TRIM3: variants seen among roughly 807,000 people sequenced by gnomAD.
TRIM3 encodes the protein tripartite motif-containing protein 3.
A neutral mutation model predicts 66.6 loss-of-function variants in TRIM3; 13 were observed. The observed-to-expected ratio is 0.20, with a 90% CI of 0.13 to 0.31. The LOEUF (loss-of-function observed/expected upper bound fraction) is 0.31. Among genes scored for constraint, TRIM3 ranks in the 10% least tolerant of loss-of-function variants. TRIM3 has a pLI of 1.00. For synonymous variants in TRIM3, 406 were observed against 411.7 expected (o/e 0.99, Z 0.17); for missense variants, 711 against 1,020.4 (o/e 0.70, Z 4.13).
At chr11:6,460,044 G>C (rs1850155891) in intron 2 of TRIM3, among the ~76,000 whole-genome samples, 1 of 152,198 alleles carries the variant, frequency 6.6e-6, no homozygotes, top group African/African-American at 2.4e-5. Context: ...ATAAGAGAGA[G>C]GGACAGAGCA....
chr11:6,452,765 G>A (rs182145604), intron 7 of TRIM3: 2 of 152,314 alleles, frequency 1.3e-5, no homozygotes, highest in East Asian at 3.9e-4. Flanking sequence ...GTTTAGCGGT[G>A]AGGTAATGCC....
At position 6,457,386 on chromosome 11, in the gene TRIM3, A is replaced by C. The variant is rs746155042; in HGVS notation, c.606T>G (p.Ser202Arg). Residue 202 changes from serine (S) to arginine (R), a missense_variant, in exon 5 of 12, where the codon AGT (serine) becomes AGG (arginine). Ser to Arg is a moderately radical substitution (Grantham distance 110). This residue lies in a region of TRIM3 where 399 missense variants were observed against 458.1 expected (regional missense o/e 0.87). Transcript: ENST00000345851. This position sits in a 1 kb window ranked among gnomAD's most constrained non-coding sequence, Gnocchi z 4.5. ...CTTGCTCCAGGTCCTCGAACGCTGCACTGATCTGGGCCAGGGCCTCTGCCT... is the reference window on the plus strand; with the variant it reads ...CTTGCTCCAGGTCCTCGAACGCTGCCCTGATCTGGGCCAGGGCCTCTGCCT... ...ERKAEALAQI[S>R]AAFEDLEQAL... is the part of the protein sequence containing the mutation. 6.2e-7 allele frequency: 1 copy of C among 1,613,848 alleles called. No individual in the cohort carries two copies. Among genetic ancestry groups the C allele is most frequent in the African/African-American group, 1.3e-5 (1 of 75,052 alleles).
chr11:6,470,547 G>A (rs1391373097), intron 1 of TRIM3, among the ~76,000 whole-genome samples: 8 of 152,172 alleles, frequency 5.3e-5, no homozygotes, highest in Non-Finnish European at 1.0e-4. Context: ...GGGGTTGCAG[G>A]CATGAGCCAC....
intron 1 of TRIM3, among the ~76,000 whole-genome samples, chr11:6,468,592 G>T (rs546310365): frequency 6.6e-6 from 1 of 152,318 alleles, no homozygotes; most frequent in Non-Finnish European, 1.5e-5. Flanking sequence ...GCAAGAAAAA[G>T]AAGGGGTGAA....
Position 6,458,308 on chromosome 11 carries a change from G to A in TRIM3, c.132-12C>T. On this transcript the variant is annotated splice_polypyrimidine_tract_variant and intron_variant, in intron 2 of 11. Coordinates refer to ENST00000345851, the MANE Select transcript of TRIM3 (RefSeq NM_033278.4). The surrounding 1 kb of genome is among the most constrained non-coding windows in gnomAD (Gnocchi z 6.2). ...AGTTTTGGAGACATCTGTCCAGGAA[G>A]GAGAGTCAAAGAACAGAGTGGGTGG... 1.2e-6 allele frequency: 2 copies of A among 1,605,326 alleles called. No homozygotes were observed. Among genetic ancestry groups the A allele is most frequent in the Non-Finnish European group, 1.7e-6 (2 of 1,173,014 alleles).
upstream of TRIM3, chr11:6,474,259 G>A (rs1051235541): frequency 2.0e-5 from 3 of 152,414 alleles, no homozygotes; most frequent in African/African-American, 7.2e-5. Flanking sequence ...GTCAAGAAAA[G>A]GCAGCTGGGG....
At position 6,463,209 on chromosome 11, in the gene TRIM3, A is replaced by AT. The variant is rs575488756; in HGVS notation, c.131+2355_131+2356insA. ...GACAGAGAGAGACTCTGTCTCAAAA[A>AT]AACAAAAACAAAAACAAAAAACAAA... On this transcript the variant is annotated intron_variant, in intron 2 of 11. Coordinates refer to ENST00000345851, the MANE Select transcript of TRIM3 (RefSeq NM_033278.4). Among the ~76,000 whole-genome samples the AT allele has an allele frequency of 5.3e-5, 8 of 152,348 alleles. No individual in the cohort carries two copies. In the East Asian group the frequency reaches 1.3e-3, roughly 26 times the overall value.
chr11:6,455,926 G>T, intron 7 of TRIM3, 146 bp downstream of exon 7: 1 of 796,418 alleles, frequency 1.3e-6, no homozygotes, highest in Non-Finnish European at 2.0e-6. Context: ...CGTAAGGGGT[G>T]ATCCTTTGAT....
intron 2 of TRIM3, among the ~76,000 whole-genome samples, chr11:6,460,218 T>C (rs1043139322): frequency 2.6e-5 from 4 of 152,132 alleles, no homozygotes; most frequent in African/African-American, 9.7e-5. Flanking sequence ...CAGGAAAATG[T>C]CCACTGAATT....
intron 2 of TRIM3, among the ~76,000 whole-genome samples, chr11:6,464,697 T>G (rs1033653761): frequency 2.0e-5 from 3 of 152,070 alleles, no homozygotes; most frequent in African/African-American, 7.2e-5. Context: ...TGTATCAGTT[T>G]TTAAAAAGAG....
intron 2 of TRIM3, among the ~76,000 whole-genome samples, chr11:6,464,203 C>G (rs984583692): frequency 4.6e-5 from 7 of 152,358 alleles, no homozygotes; most frequent in South Asian, 4.1e-4. Context: ...CCTAGGTGGT[C>G]TGGCCTCCAC....
intron 7 of TRIM3, among the ~76,000 whole-genome samples, chr11:6,454,228 T>G (rs561117925): frequency 6.6e-6 from 1 of 151,654 alleles, no homozygotes; most frequent in African/African-American, 2.4e-5. Context: ...AAAATAAAAA[T>G]AAAATAAAAT....
chr11:6,462,755 C>T (rs1589834489), intron 2 of TRIM3, among the ~76,000 whole-genome samples: 1 of 152,048 alleles, frequency 6.6e-6, no homozygotes, highest in South Asian at 2.1e-4. Flanking sequence ...CCTTAGTTTC[C>T]TCCTCTCTAA....
chr11:6,472,564 CTT>C (rs112673053), intron 1 of TRIM3, among the ~76,000 whole-genome samples: 1 of 152,182 alleles, frequency 6.6e-6, no homozygotes, highest in African/African-American at 2.4e-5. Context: ...ACGATGGACT[CTT>C]TGCTCAAGTT....
Position 6,456,125 on chromosome 11 carries a change from C to T in TRIM3, c.1480G>A (p.Ala494Thr), listed in dbSNP as rs1849955330. 5 of 1,614,164 alleles carry T rather than the reference C, an allele frequency of 3.1e-6. No homozygotes were observed. Among genetic ancestry groups the T allele is most frequent in the Non-Finnish European group, 4.2e-6 (5 of 1,180,042 alleles). ...ACCACGATGCGGCCGCTGCTGGCTGCGGACACACCTTGTAAATTGGTGAAT... is the reference window on the plus strand; with the variant it reads ...ACCACGATGCGGCCGCTGCTGGCTGTGGACACACCTTGTAAATTGGTGAAT... ...GEFTNLQGVS[A>T]ASSGRIVVAD... Residue 494 changes from alanine (A) to threonine (T), a missense_variant, in exon 7 of 12, where the codon GCA (alanine) becomes ACA (threonine). Coordinates refer to ENST00000345851, the MANE Select transcript of TRIM3 (RefSeq NM_033278.4). This position sits in a 1 kb window ranked among gnomAD's most constrained non-coding sequence, Gnocchi z 6.4.
At chr11:6,451,194 C>A in intron 8 of TRIM3, 77 bp downstream of exon 8, 1 of 1,594,318 alleles carries the variant, frequency 6.3e-7, no homozygotes, top group Non-Finnish European at 8.6e-7. Flanking sequence ...TCAGTCCAGA[C>A]CCTGACCACC....
At position 6,456,788 on chromosome 11, in the gene TRIM3, C is replaced by G. The variant is rs754163124; in HGVS notation, c.938G>C (p.Gly313Ala). 6.2e-7 allele frequency: 1 copy of G among 1,612,474 alleles called. No individual in the cohort carries two copies. Among genetic ancestry groups the G allele is most frequent in the South Asian group, 1.1e-5 (1 of 91,090 alleles). The change falls in exon 6 of 12, where the codon GGC becomes GCC. Residue 313 changes from glycine (G) to alanine (A), a missense_variant. Gly to Ala is a moderately conservative substitution (Grantham distance 60). Coordinates refer to ENST00000345851, the MANE Select transcript of TRIM3 (RefSeq NM_033278.4). This position sits in a 1 kb window ranked among gnomAD's most constrained non-coding sequence, Gnocchi z 6.4. ...AGTGGCGCTCGTGGTGAGCAGTGCG[C>G]CCAGATTGAGCACCGATCGCCGCAG... is the stretch of plus-strand genomic sequence containing the variant. ...DGLRRSVLNL[G>A]ALLTTSATAH...
At position 6,457,286 on chromosome 11, in the gene TRIM3, C is replaced by T; in HGVS notation, c.696+10G>A. On this transcript the variant is annotated intron_variant, in intron 5 of 11. Coordinates refer to ENST00000345851, the MANE Select transcript of TRIM3 (RefSeq NM_033278.4). The surrounding 1 kb of genome is among the most constrained non-coding windows in gnomAD (Gnocchi z 4.5). ...GGACGATGGTAGGAAAGGGTGAACA[C>T]AAGACACACCTTCTGTTTGGCCCCA... The T allele has an allele frequency of 6.2e-7, 1 of 1,613,576 alleles. No individual in the cohort carries two copies. The highest frequency in any genetic ancestry group is 8.5e-7 in the Non-Finnish European group (1 of 1,179,724).
intron 2 of TRIM3, among the ~76,000 whole-genome samples, chr11:6,462,192 T>C (rs1284162912): frequency 6.6e-6 from 1 of 151,544 alleles, no homozygotes; most frequent in Non-Finnish European, 1.5e-5. Flanking sequence ...CCCCTACTTC[T>C]CTCTGTTTAT....
Sources: allele counts gnomAD v4.1 joint callset (sites outside exome capture counted in the v4.1 genomes callset), GRCh38; gene constraint gnomAD v4.1.1; regional missense constraint gnomAD v4.1.1; non-coding constraint Gnocchi (gnomAD v3.1); transcripts MANE v1.5; gene names NCBI Gene and HGNC (gene_info 2026-07-23, HGNC 2026-07-21).